TMEM14C: variants seen among roughly 807,000 people sequenced by gnomAD.
The protein encoded by TMEM14C is chromosome 6 open reading frame 53.
A neutral mutation model predicts 14.8 loss-of-function variants in TMEM14C; 13 were observed. The observed-to-expected ratio is 0.88, with a 90% CI of 0.57 to 1.40. TMEM14C has a LOEUF of 1.40. Among genes scored for constraint, TMEM14C ranks in the 40% most tolerant of loss-of-function variants. TMEM14C has a pLI of 0.00. For synonymous variants in TMEM14C, 57 were observed against 51.3 expected (o/e 1.11, Z -0.48); for missense variants, 142 against 138.8 (o/e 1.02, Z -0.12).
At chr6:10,728,347 T>TC (rs2127488866) in intron 4 of TMEM14C, among the ~76,000 whole-genome samples, 1 of 151,928 alleles carries the variant, frequency 6.6e-6, no homozygotes, top group African/African-American at 2.4e-5. Context: ...AGTAGCATTT[T>TC]GGAGAAAACT....
At chr6:10,724,847 T>G in intron 2 of TMEM14C, 114 bp from the exon 3 acceptor site, 1 of 1,416,266 alleles carries the variant, frequency 7.1e-7, no homozygotes, top group Non-Finnish European at 1.0e-6. Flanking sequence ...TCTGTGGTCC[T>G]TATTTTCAGT....
chr6:10,728,891 T>C, intron 5 of TMEM14C, 164 bp downstream of exon 5: 1 of 1,482,792 alleles, frequency 6.7e-7, no homozygotes, highest in Non-Finnish European at 9.1e-7. Flanking sequence ...AATAGCTAGT[T>C]TAATGTCAAA....
chr6:10,725,636 TC>T (rs1254542280), intron 3 of TMEM14C, among the ~76,000 whole-genome samples: 7 of 152,150 alleles, frequency 4.6e-5, no homozygotes, highest in Non-Finnish European at 8.8e-5. Flanking sequence ...TAGCCACAGT[TC>T]CATCTAAGGA....
rs952821712 is a variant in TMEM14C at position 10,726,044 on chromosome 6, G to C, written c.199+36G>C. ...TTTGGCGTCTCCTTAGGGCAGCTAT[G>C]TATCCAGAATACTCTTTTCCAAAAG... On this transcript the variant is annotated intron_variant, in intron 4 of 5. Transcript: ENST00000229563. The C allele has an allele frequency of 2.5e-6, 4 of 1,611,834 alleles. No homozygotes were observed. The African/African-American group carries it at 4.0e-5, about 16-fold the overall frequency.
At chr6:10,730,006 G>A (rs1035103382) in intron 5 of TMEM14C, among the ~76,000 whole-genome samples, 3 of 152,144 alleles carry the variant, frequency 2.0e-5, no homozygotes, top group African/African-American at 7.2e-5. Flanking sequence ...ACTGAGTCAG[G>A]AAAATCTCTT....
At chr6:10,726,642 G>A (rs550708199) in intron 4 of TMEM14C, among the ~76,000 whole-genome samples, 1 of 152,272 alleles carries the variant, frequency 6.6e-6, no homozygotes, top group Admixed American at 6.5e-5. Flanking sequence ...GTTGAGCTGA[G>A]ATCACACCAC....
chr6:10,723,424 T>C (rs1278051983), intron 1 of TMEM14C, among the ~76,000 whole-genome samples, 183 bp downstream of exon 1: 2 of 152,124 alleles, frequency 1.3e-5, no homozygotes, highest in East Asian at 1.9e-4. Flanking sequence ...GCGGAGCCCC[T>C]GGGCTCCTGA....
In TMEM14C at chr6:10,724,926, A is replaced by G; in HGVS notation, c.21-35A>G. 4 of 1,613,048 alleles carry G rather than the reference A, an allele frequency of 2.5e-6. No homozygotes were observed. In the East Asian group the frequency reaches 6.7e-5, roughly 27 times the overall value. ...GACAGTATGGTTTGTTTTCAAAGCC[A>G]GGTTAGCACTGACTTCTCCCTCTTG... is the stretch of plus-strand genomic sequence containing the variant. On this transcript the variant is annotated intron_variant, in intron 2 of 5. Coordinates refer to ENST00000229563, the MANE Select transcript of TMEM14C (RefSeq NM_016462.4).
intron 5 of TMEM14C, among the ~76,000 whole-genome samples, chr6:10,729,504 C>T (rs963451582): frequency 1.3e-5 from 2 of 152,112 alleles, no homozygotes; most frequent in African/African-American, 4.8e-5. Context: ...TGGCTGGGCA[C>T]AGTGGTTCAC....
intron 3 of TMEM14C, among the ~76,000 whole-genome samples, 164 bp from the exon 4 acceptor site, chr6:10,725,743 A>G (rs1770839669): frequency 6.6e-6 from 1 of 152,068 alleles, no homozygotes; most frequent in East Asian, 1.9e-4. Flanking sequence ...CTCTGAGAAG[A>G]TAGCACACTC....
chr6:10,725,819 C>T lies in TMEM14C; in HGVS notation c.98-88C>T. On this transcript the variant is annotated intron_variant, in intron 3 of 5. Coordinates refer to ENST00000229563, the MANE Select transcript of TMEM14C (RefSeq NM_016462.4). ...CTGTGTTGAGAGTTCTCTGTGCTGT[C>T]CTCCTTTGTAGGGCAGCGGTCTGGG... The T allele has an allele frequency of 3.3e-6, 5 of 1,532,276 alleles. No homozygotes were observed. The South Asian group carries it at 5.8e-5, about 18-fold the overall frequency. The allele number at this position is 1,532,276 out of a possible 1,614,324, so 94.9% of individuals were successfully genotyped here.
In TMEM14C at chr6:10,725,325, G is replaced by A. The variant is rs192134678; in HGVS notation, c.97+288G>A. ...TCGTTGACTGCCATTCATCAGCCAC[G>A]ACCCCCAAGTGCCATCTCTGGGCTC... On this transcript the variant is annotated intron_variant, in intron 3 of 5. Coordinates refer to ENST00000229563, the MANE Select transcript of TMEM14C (RefSeq NM_016462.4). Among the ~76,000 whole-genome samples, 442 of 152,196 alleles carry A rather than the reference G, an allele frequency of 2.9e-3. 2 individuals are homozygous for A. Among genetic ancestry groups the A allele is most frequent in the Non-Finnish European group, 5.5e-3 (372 of 68,008 alleles).
Position 10,725,026 on chromosome 6 carries a change from A to C in TMEM14C, c.86A>C (p.Tyr29Ser). 6.2e-7 allele frequency: 1 copy of C among 1,614,168 alleles called. No homozygotes were observed. Among genetic ancestry groups the C allele is most frequent in the Non-Finnish European group, 8.5e-7 (1 of 1,180,048 alleles). ...ALVASGGIIG[Y>S]VKAGSVPSLA... ...GTTGCTTCTGGTGGGATCATTGGCT[A>C]TGTAAAAGCAGGTAGGGTTTTGTTG... Residue 29 changes from tyrosine (Y) to serine (S), a missense_variant, in exon 3 of 6, where the codon TAT becomes TCT. Physicochemically the swap from Tyr to Ser is moderately radical, Grantham distance 144 (BLOSUM62 -2). Coordinates refer to ENST00000229563, the MANE Select transcript of TMEM14C (RefSeq NM_016462.4).
intron 1 of TMEM14C, among the ~76,000 whole-genome samples, chr6:10,723,992 C>T (rs1770774552): frequency 1.3e-5 from 2 of 152,158 alleles, no homozygotes; most frequent in Admixed American, 6.6e-5. Context: ...AAAATAGAAG[C>T]TGTTTTTCCA....
At chr6:10,726,863 G>A (rs555587640) in intron 4 of TMEM14C, among the ~76,000 whole-genome samples, 69 of 152,218 alleles carry the variant, frequency 4.5e-4, no homozygotes, top group Non-Finnish European at 6.8e-4. Context: ...GGTTCCTTGC[G>A]GTCTCTACAA....
chr6:10,728,118 C>T (rs1770921565), intron 4 of TMEM14C, among the ~76,000 whole-genome samples: 1 of 152,216 alleles, frequency 6.6e-6, no homozygotes. Context: ...CAGATCTCAG[C>T]CAATCTTCAC....
At chr6:10,724,521 C>A in intron 1 of TMEM14C, 49 bp from the exon 2 acceptor site, 18 of 1,326,234 alleles carry the variant, frequency 1.4e-5, no homozygotes, top group Non-Finnish European at 1.9e-5. Context: ...TTTCTGACTG[C>A]TGGAGAGCTG....
intron 4 of TMEM14C, among the ~76,000 whole-genome samples, 184 bp from the exon 5 acceptor site, chr6:10,728,456 G>A (rs958894478): frequency 2.6e-5 from 4 of 152,178 alleles, no homozygotes; most frequent in African/African-American, 7.2e-5. Flanking sequence ...GGCCCTATTT[G>A]GCCAATATTG....
At chr6:10,723,688 C>T (rs968885159) in intron 1 of TMEM14C, among the ~76,000 whole-genome samples, 2 of 150,046 alleles carry the variant, frequency 1.3e-5, no homozygotes, top group African/African-American at 4.9e-5. Flanking sequence ...CAGCCTCTGC[C>T]TCCTGGGCTC....
Sources: gnomAD v4.1 joint callset for allele counts (sites outside exome capture counted in the v4.1 genomes callset) on GRCh38, gnomAD v4.1.1 for gene constraint, MANE v1.5 for transcripts, NCBI Gene and HGNC (gene_info 2026-07-23, HGNC 2026-07-21) for gene names.